Variants in DAGLA observed in about 807,000 individuals in gnomAD.
The protein encoded by DAGLA is diacylglycerol lipase-alpha.
A neutral mutation model predicts 102.6 loss-of-function variants in DAGLA; 22 were observed. That is an observed-to-expected ratio of 0.21 (90% CI 0.15 to 0.31). The LOEUF (loss-of-function observed/expected upper bound fraction) is 0.31, where lower values mean the gene tolerates loss of function less well. Among genes scored for constraint, DAGLA ranks in the 10% least tolerant of loss-of-function variants. The pLI is 1.00. For synonymous variants in DAGLA, 578 were observed against 628.9 expected (o/e 0.92, Z 1.21); for missense variants, 927 against 1,446.6 (o/e 0.64, Z 5.83).
chr11:61,738,386 T>C (rs2065444499), intron 16 of DAGLA, among the ~76,000 whole-genome samples, 179 bp downstream of exon 16: 1 of 152,064 alleles, frequency 6.6e-6, no homozygotes, highest in South Asian at 2.1e-4. Context: ...GCTCAACCCA[T>C]CCATCCCCTG....
At chr11:61,713,039 C>G (rs1422422292) in intron 1 of DAGLA, among the ~76,000 whole-genome samples, 1 of 152,170 alleles carries the variant, frequency 6.6e-6, no homozygotes, top group Non-Finnish European at 1.5e-5. Context: ...AGGTGGATGA[C>G]ACATAGTGTT....
At chr11:61,743,121 T>G (rs932933395) in intron 19 of DAGLA, among the ~76,000 whole-genome samples, 7 of 152,068 alleles carry the variant, frequency 4.6e-5, no homozygotes, top group Non-Finnish European at 7.4e-5. Context: ...TCTCAGCACT[T>G]TGGGAGGCCG....
intron 1 of DAGLA, among the ~76,000 whole-genome samples, chr11:61,711,056 C>T (rs905711067): frequency 5.3e-5 from 8 of 152,164 alleles, no homozygotes; most frequent in Non-Finnish European, 1.0e-4. Flanking sequence ...CCCTCCAAGT[C>T]GATGCCTTTG....
At chr11:61,715,152 A>AC (rs2065226640) in intron 1 of DAGLA, among the ~76,000 whole-genome samples, 1 of 152,116 alleles carries the variant, frequency 6.6e-6, no homozygotes, top group African/African-American at 2.4e-5. Context: ...GGTCTTAACC[A>AC]CCCCTTGCAC....
intron 5 of DAGLA, among the ~76,000 whole-genome samples, chr11:61,724,558 G>A (rs1049503104): frequency 3.9e-5 from 6 of 152,148 alleles, no homozygotes; most frequent in Non-Finnish European, 7.4e-5. Context: ...CTGGACCCCC[G>A]CTGCCCGGCA....
At chr11:61,718,580 G>A (rs1317838205) in intron 1 of DAGLA, among the ~76,000 whole-genome samples, 1 of 150,556 alleles carries the variant, frequency 6.6e-6, no homozygotes, top group South Asian at 2.1e-4. Context: ...CCGGACCCCT[G>A]CAGTCCACAG....
chr11:61,739,817 G>C (rs191554451), intron 17 of DAGLA, among the ~76,000 whole-genome samples, 156 bp downstream of exon 17: 1 of 152,152 alleles, frequency 6.6e-6, no homozygotes, highest in Non-Finnish European at 1.5e-5. Context: ...CCCCAGCATC[G>C]GGCTCTGGAA....
chr11:61,682,266 G>A (rs143885819), intron 1 of DAGLA, among the ~76,000 whole-genome samples: 28 of 152,318 alleles, frequency 1.8e-4, no homozygotes, highest in Non-Finnish European at 2.6e-4. Context: ...TGCAAACAGC[G>A]AAAGACTGTA....
chr11:61,688,522 G>A (rs1270223424), intron 1 of DAGLA, among the ~76,000 whole-genome samples: 1 of 152,198 alleles, frequency 6.6e-6, no homozygotes, highest in Non-Finnish European at 1.5e-5. Flanking sequence ...CAGGAGTGGG[G>A]CGGGAGATCC....
Position 61,743,642 on chromosome 11 carries a change from C to T in DAGLA, c.2282C>T (p.Ser761Phe). 1 of 1,599,670 alleles carries T rather than the reference C, an allele frequency of 6.3e-7. No individual in the cohort carries two copies. The change falls in exon 20 of 20, where the codon TCT (serine) becomes TTT (phenylalanine). Residue 761 changes from serine to phenylalanine, a missense_variant. Transcript: ENST00000257215. Reference protein sequence around the residue: ...RQDPVELLLLSTQERLAAELQ... With the variant: ...RQDPVELLLLFTQERLAAELQ... ...GACCCGGTGGAGCTGCTGCTGCTGT[C>T]TACCCAGGAGCGGCTGGCGGCGGAG...
rs1301695931 is a variant in DAGLA at position 61,684,595 on chromosome 11, G to A, written c.-45+4091G>A. On this transcript the variant is annotated intron_variant, in intron 1 of 19. Coordinates refer to ENST00000257215, the MANE Select transcript of DAGLA (RefSeq NM_006133.3). The surrounding 1 kb of genome is among the most constrained non-coding windows in gnomAD (Gnocchi z 4.5). ...CGTGGAGGGGATTGGTGTGACCACG[G>A]GTAAGGGTGTTTTCATGGGGTGTTT... Among the ~76,000 whole-genome samples, 1 of 152,126 alleles carries A rather than the reference G, an allele frequency of 6.6e-6. No homozygotes were observed. The highest frequency in any genetic ancestry group is 1.5e-5 in the Non-Finnish European group (1 of 68,012).
chr11:61,743,362 CAA>C (rs374336921), intron 19 of DAGLA, among the ~76,000 whole-genome samples, 168 bp from the exon 20 acceptor site: 27 of 51,946 alleles, frequency 5.2e-4, no homozygotes, highest in Admixed American at 1.2e-3. Flanking sequence ...GACTCTGTCT[CAA>C]AAAAAAAAAA....
intron 17 of DAGLA, 76 bp from the exon 18 acceptor site, chr11:61,740,387 A>G (rs2065467087): frequency 1.3e-6 from 2 of 1,554,430 alleles, no homozygotes; most frequent in Admixed American, 1.7e-5. Flanking sequence ...GGCAGAGAAC[A>G]GAGCCAGGAG....
At chr11:61,702,494 TA>T (rs559395958) in intron 1 of DAGLA, among the ~76,000 whole-genome samples, 27 of 152,106 alleles carry the variant, frequency 1.8e-4, no homozygotes, top group Admixed American at 1.5e-3. Context: ...GGGATGGGGG[TA>T]AAAGTGGATC....
At chr11:61,707,241 C>T (rs1294111050) in intron 1 of DAGLA, among the ~76,000 whole-genome samples, 3 of 152,358 alleles carry the variant, frequency 2.0e-5, no homozygotes, top group East Asian at 3.9e-4. Flanking sequence ...AAGCAGAGGC[C>T]GCAGAAGTGA....
chr11:61,717,550 A>T (rs2065245754), intron 1 of DAGLA, among the ~76,000 whole-genome samples: 1 of 152,190 alleles, frequency 6.6e-6, no homozygotes, highest in Non-Finnish European at 1.5e-5. Flanking sequence ...AGGTAGGGAT[A>T]ATCGACATTT....
In DAGLA at chr11:61,684,204, A is replaced by G. The variant is rs548236653; in HGVS notation, c.-45+3700A>G. Among the ~76,000 whole-genome samples the G allele has an allele frequency of 1.5e-4, 23 of 152,362 alleles. No individual in the cohort carries two copies. The East Asian group carries it at 4.4e-3, about 29-fold the overall frequency. On this transcript the variant is annotated intron_variant, in intron 1 of 19. Coordinates refer to ENST00000257215, the MANE Select transcript of DAGLA (RefSeq NM_006133.3). The surrounding 1 kb of genome is among the most constrained non-coding windows in gnomAD (Gnocchi z 4.5). ...TCAGTGTTTAATCACCTGTTGGCCC[A>G]TCACTCTGTGATTTCAATTTCTCAC...
intron 19 of DAGLA, 38 bp downstream of exon 19, chr11:61,741,387 G>A (rs952899200): frequency 1.3e-6 from 2 of 1,585,424 alleles, no homozygotes; most frequent in African/African-American, 2.7e-5. Context: ...CCCAGGGTGA[G>A]TGTGGTTCAG....
In DAGLA at chr11:61,695,217, G is replaced by T. The variant is rs573266060; in HGVS notation, c.-45+14713G>T. On this transcript the variant is annotated intron_variant, in intron 1 of 19. Transcript: ENST00000257215. The stretch of plus-strand genomic sequence containing the variant: ...TCTGGGGAACCGGGTGGGAGGAGGG[G>T]CAAGAGGAGGGGAGCCAGCTTTGCT... 2.6e-5 allele frequency among the ~76,000 whole-genome samples: 4 copies of T among 152,194 alleles called. No individual in the cohort carries two copies. The East Asian group carries it at 7.7e-4, about 29-fold the overall frequency.
Sources: allele counts gnomAD v4.1 joint callset (sites outside exome capture counted in the v4.1 genomes callset), GRCh38; gene constraint gnomAD v4.1.1; non-coding constraint Gnocchi (gnomAD v3.1); transcripts MANE v1.5; gene names NCBI Gene and HGNC (gene_info 2026-07-23, HGNC 2026-07-21).